TRIP12: variants seen among roughly 807,000 people sequenced by gnomAD.
TRIP12 encodes thyroid hormone receptor interactor 12, also known as E3 ubiquitin-protein ligase TRIP12.
A neutral mutation model predicts 244.2 loss-of-function variants in TRIP12; 25 were observed. The observed-to-expected ratio is 0.10, with a 90% confidence interval of 0.07 to 0.14. The LOEUF (loss-of-function observed/expected upper bound fraction) is 0.14, where lower values mean the gene tolerates loss of function less well. Ranked by LOEUF, TRIP12 falls within the 10% of genes least tolerant of loss-of-function variation. The pLI, the probability that TRIP12 is intolerant of heterozygous loss-of-function variation, is 1.00. For synonymous variants in TRIP12, 905 were observed against 873.1 expected (o/e 1.04, Z -0.64); for missense variants, 1,677 against 2,486.4 (o/e 0.67, Z 6.92).
At chr2:229,776,726 C>T (rs1306058580) in intron 37 of TRIP12, among the ~76,000 whole-genome samples, 1 of 152,100 alleles carries the variant, frequency 6.6e-6, no homozygotes, top group East Asian at 1.9e-4. Context: ...TTGTTTTCTT[C>T]TAATAGCAGA....
intron 37 of TRIP12, among the ~76,000 whole-genome samples, chr2:229,775,451 T>C (rs2035930054): frequency 6.6e-6 from 1 of 150,834 alleles, no homozygotes; most frequent in African/African-American, 2.4e-5. Context: ...CTCTCAAAAC[T>C]ATCCTCTGTG....
At chr2:229,808,860 T>C (rs1170307097) in intron 15 of TRIP12, among the ~76,000 whole-genome samples, 1 of 152,220 alleles carries the variant, frequency 6.6e-6, no homozygotes, top group Non-Finnish European at 1.5e-5. Context: ...CATGCAAACT[T>C]GATACAAGGA....
upstream of TRIP12, chr2:229,922,525 G>A (rs2076755360): frequency 6.2e-7 from 1 of 1,613,888 alleles, no homozygotes; most frequent in Non-Finnish European, 8.5e-7. Context: ...TGGCGTCGTG[G>A]CTGCCGGAGA....
intron 1 of TRIP12, among the ~76,000 whole-genome samples, chr2:229,902,990 G>A (rs1022840276): frequency 7.2e-6 from 1 of 138,344 alleles, no homozygotes; most frequent in Non-Finnish European, 1.5e-5. Flanking sequence ...ATTACTGTGT[G>A]CGGGTTTTTT....
chr2:229,822,548 G>A (rs1575520423), intron 8 of TRIP12, among the ~76,000 whole-genome samples: 1 of 152,160 alleles, frequency 6.6e-6, no homozygotes, highest in East Asian at 1.9e-4. Context: ...ACAAGCTCAA[G>A]TCCTGATTAA....
chr2:229,788,953 T>TA lies in TRIP12; in HGVS notation c.4696-14dup, dbSNP rs377250685. The stretch of plus-strand genomic sequence containing the variant: ...TGCACATTGCATTCTGTAAAATGTT[T>TA]AAAAAAAAAAAAGTCTACATGTAGT... On this transcript the variant is annotated splice_polypyrimidine_tract_variant and intron_variant, in intron 31 of 41. Transcript: ENST00000675903. 43,012 of 1,128,666 alleles carry TA rather than the reference T, an allele frequency of 0.038. 47 individuals are homozygous for TA. Among genetic ancestry groups the TA allele is most frequent in the Middle Eastern group, 0.069 (316 of 4,558 alleles). The allele number at this position is 1,128,666 out of a possible 1,614,324, so 69.9% of individuals were successfully genotyped here.
chr2:229,860,647 T>C, intron 2 of TRIP12, 116 bp from the exon 3 acceptor site: 2 of 970,710 alleles, frequency 2.1e-6, no homozygotes, highest in Non-Finnish European at 1.4e-6. Flanking sequence ...TTGTTGACCC[T>C]ACCCTTTTTC....
At chr2:229,819,941 C>A (rs558537868) in intron 8 of TRIP12, among the ~76,000 whole-genome samples, 2 of 152,192 alleles carry the variant, frequency 1.3e-5, no homozygotes, top group Non-Finnish European at 2.9e-5. Context: ...ATAGCTATCG[C>A]TGCCTACCTA....
At chr2:229,852,211 T>C (rs1017522160) in intron 4 of TRIP12, among the ~76,000 whole-genome samples, 2 of 152,186 alleles carry the variant, frequency 1.3e-5, no homozygotes, top group African/African-American at 2.4e-5. Context: ...CTTTAAATAA[T>C]AGAGAGTAAA....
intron 4 of TRIP12, among the ~76,000 whole-genome samples, chr2:229,848,209 T>C (rs556128015): frequency 6.6e-6 from 1 of 152,294 alleles, no homozygotes; most frequent in African/African-American, 2.4e-5. Flanking sequence ...AATTAGACTT[T>C]TGGTCTTGAA....
intron 39 of TRIP12, 77 bp downstream of exon 39, chr2:229,771,442 G>C: frequency 1.6e-6 from 2 of 1,274,560 alleles, no homozygotes; most frequent in Non-Finnish European, 2.2e-6. Context: ...CAACAATACG[G>C]TCTTTGACTA....
chr2:229,783,824 A>G (rs1358290552), intron 34 of TRIP12, among the ~76,000 whole-genome samples: 3 of 151,592 alleles, frequency 2.0e-5, no homozygotes, highest in African/African-American at 7.3e-5. Context: ...AAAAAAAAAA[A>G]AAAAGGCCAG....
intron 1 of TRIP12, among the ~76,000 whole-genome samples, chr2:229,894,017 T>C (rs1199815139): frequency 6.6e-6 from 1 of 152,090 alleles, no homozygotes; most frequent in Non-Finnish European, 1.5e-5. Flanking sequence ...GTGGCCAGAT[T>C]GGTGCTGCAT....
chr2:229,805,932 T>TA (rs1399843821), intron 17 of TRIP12, 49 bp from the exon 18 acceptor site: 2 of 1,445,128 alleles, frequency 1.4e-6, no homozygotes, highest in African/African-American at 2.8e-5. Flanking sequence ...GAGAAATCTA[T>TA]TACCTTAAGA....
chr2:229,791,834 G>A (rs1478051728), intron 29 of TRIP12, 32 bp downstream of exon 29: 16 of 1,604,014 alleles, frequency 1.0e-5, no homozygotes, highest in Non-Finnish European at 1.4e-5. Context: ...CAAAGTTTAT[G>A]AAAAAACAAA....
chr2:229,906,309 A>G (rs2072777357), intron 1 of TRIP12, among the ~76,000 whole-genome samples: 1 of 151,388 alleles, frequency 6.6e-6, no homozygotes, highest in African/African-American at 2.4e-5. Flanking sequence ...GTCTCAAAAA[A>G]AAAAAAAAAG....
chr2:229,807,955 A>C (rs2046286717), intron 16 of TRIP12, 91 bp from the exon 17 acceptor site: 2 of 1,379,908 alleles, frequency 1.4e-6, no homozygotes, highest in Non-Finnish European at 1.9e-6. Context: ...CACAAACCAA[A>C]AGTTGTATTT....
chr2:229,811,623 C>T (rs901169098), intron 13 of TRIP12, among the ~76,000 whole-genome samples: 3 of 152,014 alleles, frequency 2.0e-5, no homozygotes, highest in Non-Finnish European at 4.4e-5. Flanking sequence ...GGTTTCTTGA[C>T]AATGTTAAAA....
intron 21 of TRIP12, among the ~76,000 whole-genome samples, chr2:229,801,381 T>C (rs1014325253): frequency 2.6e-5 from 4 of 152,220 alleles, no homozygotes; most frequent in African/African-American, 9.6e-5. Flanking sequence ...TCCCCTCTCC[T>C]ACCTGAGTTG....
Sources: gnomAD v4.1 joint callset for allele counts (sites outside exome capture counted in the v4.1 genomes callset) on GRCh38, gnomAD v4.1.1 for gene constraint, MANE v1.5 for transcripts, NCBI Gene and HGNC (gene_info 2026-07-23, HGNC 2026-07-21) for gene names.